SNX14: variants seen among roughly 807,000 people sequenced by gnomAD.
SNX14 encodes sorting nexin 14.
SNX14 carries 93 observed loss-of-function variants against 133.8 expected under a neutral mutation model. That is an observed-to-expected ratio of 0.70 (90% confidence interval 0.59 to 0.83). The LOEUF (loss-of-function observed/expected upper bound fraction) is 0.83. Among genes scored for constraint, SNX14 ranks in the 40% least tolerant of loss-of-function variants. The probability of loss-of-function intolerance (pLI) is 0.00; values close to 1 mark genes in which losing one functional copy is unlikely to be tolerated. For synonymous variants in SNX14, 368 were observed against 365.6 expected, an observed-to-expected ratio of 1.01 and a Z score of -0.07; for missense variants, 945 against 1,094.9, an observed-to-expected ratio of 0.86 and a Z score of 1.93.
intron 8 of SNX14, among the ~76,000 whole-genome samples, chr6:85,548,882 G>A (rs1166788068): frequency 6.6e-6 from 1 of 151,124 alleles, no homozygotes; most frequent in Non-Finnish European, 1.5e-5. Context: ...CAGGAGAATC[G>A]CTTGAATCCG....
In SNX14 at chr6:85,567,475, GCTTAA is replaced by G. The variant is rs1354971387; in HGVS notation, c.461+54_461+58del. 34 of 1,208,884 alleles carry G rather than the reference GCTTAA, an allele frequency of 2.8e-5. 1 individual carries two copies. In the East Asian group the frequency reaches 7.8e-4, roughly 28 times the overall value. The allele number at this position is 1,208,884 out of a possible 1,614,324, so 74.9% of individuals were successfully genotyped here. A position where few individuals can be genotyped will look rare whatever the true frequency, so the allele number is the denominator to read the frequency against. The stretch of plus-strand genomic sequence containing the variant: ...TACATGAAAAACATGTCATTAGCAT[GCTTAA>G]CTTAATAGTATTCACTGTATCACAG... On this transcript the variant is annotated intron_variant, in intron 5 of 28. Transcript: ENST00000314673.
chr6:85,514,047 C>CAA, intron 25 of SNX14, 23 bp downstream of exon 25: 1 of 1,589,860 alleles, frequency 6.3e-7, no homozygotes, highest in Non-Finnish European at 8.5e-7. Context: ...AAATATGAAA[C>CAA]AAACACATTA....
At chr6:85,508,399 T>A in intron 26 of SNX14, 1 of 997,736 alleles carries the variant, frequency 1.0e-6, no homozygotes, top group Non-Finnish European at 1.2e-6. Context: ...ACAAAACAAA[T>A]TAAACCCTAA....
chr6:85,529,068 G>T (rs1373524274), intron 19 of SNX14, among the ~76,000 whole-genome samples: 1 of 150,022 alleles, frequency 6.7e-6, no homozygotes, highest in African/African-American at 2.4e-5. Flanking sequence ...AAAAAAAAAG[G>T]CCACCAACAT....
chr6:85,539,299 CTGGCA>C (rs1408509421), intron 15 of SNX14, among the ~76,000 whole-genome samples: 2 of 152,102 alleles, frequency 1.3e-5, no homozygotes, highest in East Asian at 3.9e-4. Flanking sequence ...CACCAAAAAC[CTGGCA>C]TGGCACAAAA....
At chr6:85,510,090 T>G (rs559648224) in intron 26 of SNX14, among the ~76,000 whole-genome samples, 13 of 152,310 alleles carry the variant, frequency 8.5e-5, no homozygotes, top group African/African-American at 2.9e-4. Flanking sequence ...AATTCTGAAG[T>G]TGCTATAAAC....
intron 2 of SNX14, 30 bp from the exon 3 acceptor site, chr6:85,572,404 A>G (rs1426802660): frequency 1.3e-6 from 2 of 1,499,268 alleles, no homozygotes; most frequent in Non-Finnish European, 1.8e-6. Context: ...GGTGGTGGGG[A>G]GATCCATCTT....
chr6:85,506,632 A>G (rs1250793533), intron 28 of SNX14, among the ~76,000 whole-genome samples: 1 of 152,162 alleles, frequency 6.6e-6, no homozygotes, highest in Non-Finnish European at 1.5e-5. Flanking sequence ...AAAGTTTATA[A>G]TAAGTAAATA....
intron 9 of SNX14, 73 bp downstream of exon 9, chr6:85,548,228 A>G (rs1786408798): frequency 9.0e-7 from 1 of 1,115,818 alleles, no homozygotes; most frequent in African/African-American, 1.6e-5. Flanking sequence ...CTATATACAT[A>G]AAAATGTTTA....
chr6:85,561,394 C>G (rs1159790588), intron 6 of SNX14: 1 of 151,636 alleles, frequency 6.6e-6, no homozygotes, highest in Non-Finnish European at 1.5e-5. Flanking sequence ...AAGAACTGTT[C>G]AATTAACTAA....
chr6:85,584,096 A>C (rs1799906458), intron 1 of SNX14, among the ~76,000 whole-genome samples: 1 of 152,164 alleles, frequency 6.6e-6, no homozygotes, highest in Admixed American at 6.5e-5. Flanking sequence ...ATAACACCAC[A>C]CATCTACAAC....
At chr6:85,540,442 G>C (rs1783320428) in intron 15 of SNX14, among the ~76,000 whole-genome samples, 1 of 152,150 alleles carries the variant, frequency 6.6e-6, no homozygotes, top group South Asian at 2.1e-4. Context: ...CCTTGGAAAA[G>C]AATTCAAATG....
chr6:85,564,866 G>A (rs898586158), intron 6 of SNX14, among the ~76,000 whole-genome samples: 1 of 151,886 alleles, frequency 6.6e-6, no homozygotes, highest in African/African-American at 2.4e-5. Flanking sequence ...GCATATTCCT[G>A]TAGTCCCAGC....
At chr6:85,514,899 T>C (rs557390753) in intron 23 of SNX14, among the ~76,000 whole-genome samples, 2 of 152,276 alleles carry the variant, frequency 1.3e-5, no homozygotes, top group African/African-American at 4.8e-5. Context: ...GACCCCTTTG[T>C]TTTTACATAC....
chr6:85,535,028 CTT>C (rs35936403), intron 17 of SNX14, among the ~76,000 whole-genome samples: 216 of 124,116 alleles, frequency 1.7e-3, no homozygotes, highest in South Asian at 4.1e-3. Context: ...TCTATCCATA[CTT>C]TTTTTTTTTT....
In SNX14 at chr6:85,593,673, GC is replaced by G. The variant is rs1562040607; in HGVS notation, c.45del (p.Leu16CysfsTer37). 6.2e-7 allele frequency: 1 copy of G among 1,613,424 alleles called. No homozygotes were observed. Among genetic ancestry groups the G allele is most frequent in the East Asian group, 2.2e-5 (1 of 44,864 alleles). On this transcript the variant is annotated frameshift_variant, in exon 1 of 29. Transcript: ENST00000314673. LOFTEE classifies it high-confidence loss of function. The part of the protein sequence containing the change: ...VRTMGQKLKQ[R>X]LRLDVGREIC... ...ATCTCGCGTCCCACGTCCAGTCGCAGCCGCTGCTTCAGCTTCTGCCCCATCG... is the reference window on the plus strand; with the variant it reads ...ATCTCGCGTCCCACGTCCAGTCGCAGCGCTGCTTCAGCTTCTGCCCCATCG...
intron 1 of SNX14, among the ~76,000 whole-genome samples, chr6:85,592,708 G>A (rs1803183333): frequency 6.6e-6 from 1 of 152,092 alleles, no homozygotes; most frequent in Non-Finnish European, 1.5e-5. Context: ...ATAGGGATGT[G>A]GCCGGGTGCG....
chr6:85,579,233 A>G (rs142642231), intron 1 of SNX14, among the ~76,000 whole-genome samples: 8 of 152,338 alleles, frequency 5.3e-5, no homozygotes, highest in African/African-American at 1.9e-4. Flanking sequence ...AAAGAAGACA[A>G]GAGCCAGGTG....
intron 20 of SNX14, 89 bp downstream of exon 20, chr6:85,528,173 A>G: frequency 1.3e-6 from 1 of 782,794 alleles, no homozygotes; most frequent in Non-Finnish European, 1.9e-6. Context: ...GTATTTATAA[A>G]CCAAAGAACA....
Sources: gnomAD v4.1 joint callset for allele counts (sites outside exome capture counted in the v4.1 genomes callset) on GRCh38, gnomAD v4.1.1 for gene constraint, MANE v1.5 for transcripts, NCBI Gene and HGNC (gene_info 2026-07-23, HGNC 2026-07-21) for gene names.